NFAM1: variants seen among roughly 807,000 people sequenced by gnomAD.
NFAM1 encodes the protein NFAT activation molecule 1.
In NFAM1, 17 loss-of-function variants were observed where a neutral mutation model predicts 29.0. The ratio of observed to expected loss-of-function variants is 0.59; its 90% confidence interval spans 0.40 to 0.88. NFAM1 has a LOEUF of 0.88. NFAM1 is among the 40% of genes least tolerant of loss of function. The pLI is 0.00. For synonymous variants in NFAM1, 175 were observed against 147.2 expected (o/e 1.19, Z -1.36); for missense variants, 324 against 344.6 (o/e 0.94, Z 0.47).
rs1491236869 is a variant in NFAM1 at position 42,419,989 on chromosome 22, G to GTTTTTTTTTTTTTTTTTTTTTT, written c.122-8254_122-8253insAAAAAAAAAAAAAAAAAAAAAA. Among the ~76,000 whole-genome samples the GTTTTTTTTTTTTTTTTTTTTTT allele has an allele frequency of 1.8e-4, 10 of 56,548 alleles. 5 individuals carry two copies. Among genetic ancestry groups the GTTTTTTTTTTTTTTTTTTTTTT allele is most frequent in the African/African-American group, 1.5e-4 (2 of 13,478 alleles). The allele number at this position is 56,548 out of a possible 152,430, so 37.1% of individuals were successfully genotyped here. A position where few individuals can be genotyped will look rare whatever the true frequency, so the allele number is the denominator to read the frequency against. On this transcript the variant is annotated intron_variant, in intron 1 of 5. Coordinates refer to ENST00000329021, the MANE Select transcript of NFAM1 (RefSeq NM_145912.8). The surrounding 1 kb of genome is among the most constrained non-coding windows in gnomAD (Gnocchi z 4.5). ...CCTTTGAGTCTGTAATCCCACTCTT[G>GTTTTTTTTTTTTTTTTTTTTTT]GTTTTTTTTTTTTTTTTTTTTTTTT...
At chr22:42,425,723 G>A (rs1324013771) in intron 1 of NFAM1, among the ~76,000 whole-genome samples, 4 of 152,194 alleles carry the variant, frequency 2.6e-5, no homozygotes, top group South Asian at 2.1e-4. Flanking sequence ...TCCCCTCCAC[G>A]CCCAGCCTTC....
At chr22:42,417,881 CG>C (rs1930313433) in intron 1 of NFAM1, among the ~76,000 whole-genome samples, 2 of 152,168 alleles carry the variant, frequency 1.3e-5, no homozygotes, top group South Asian at 4.1e-4. Flanking sequence ...GCCCCGTCCC[CG>C]GGCTTGGCTG....
intron 3 of NFAM1, among the ~76,000 whole-genome samples, chr22:42,402,012 A>T (rs1929740544): frequency 6.6e-6 from 1 of 152,234 alleles, no homozygotes; most frequent in African/African-American, 2.4e-5. Flanking sequence ...GGGGACACTA[A>T]GTCCCCCGCC....
chr22:42,415,578 C>T (rs1480752924), intron 1 of NFAM1, among the ~76,000 whole-genome samples: 2 of 152,106 alleles, frequency 1.3e-5, no homozygotes, highest in Admixed American at 6.5e-5. Context: ...GGATTACAGG[C>T]GTGAGCCACC....
At chr22:42,387,134 GC>G in intron 4 of NFAM1, 56 bp from the exon 5 acceptor site, 1 of 1,015,640 alleles carries the variant, frequency 9.8e-7, no homozygotes, top group Non-Finnish European at 1.5e-6. Flanking sequence ...GCAGTCCCTG[GC>G]CCCAGCAGCC....
intron 4 of NFAM1, among the ~76,000 whole-genome samples, chr22:42,390,905 C>T (rs1005700607): frequency 6.6e-6 from 1 of 151,960 alleles, no homozygotes; most frequent in African/African-American, 2.4e-5. Context: ...CACAGAGGCC[C>T]AGGGCGCTGA....
intron 1 of NFAM1, among the ~76,000 whole-genome samples, chr22:42,412,591 G>A (rs1957105528): frequency 6.6e-6 from 1 of 152,190 alleles, no homozygotes; most frequent in African/African-American, 2.4e-5. Flanking sequence ...AGAGAAAGCT[G>A]GTGATGGATG....
intron 5 of NFAM1, among the ~76,000 whole-genome samples, chr22:42,386,480 C>G (rs1929150571): frequency 6.6e-6 from 1 of 151,816 alleles, no homozygotes; most frequent in African/African-American, 2.4e-5. Context: ...ATGCCTGAGG[C>G]CCTATCATGA....
intron 1 of NFAM1, among the ~76,000 whole-genome samples, chr22:42,420,722 C>T (rs908933035): frequency 1.4e-5 from 2 of 145,068 alleles, no homozygotes; most frequent in East Asian, 2.1e-4. Flanking sequence ...GCCGAGATCA[C>T]GCACGCCACT....
chr22:42,422,018 A>G (rs1037640190), intron 1 of NFAM1, among the ~76,000 whole-genome samples: 1 of 152,242 alleles, frequency 6.6e-6, no homozygotes, highest in Non-Finnish European at 1.5e-5. Flanking sequence ...GACTTGGAAG[A>G]CAACCTTTGA....
At chr22:42,401,549 C>T (rs1046939094) in intron 3 of NFAM1, among the ~76,000 whole-genome samples, 1 of 152,062 alleles carries the variant, frequency 6.6e-6, no homozygotes, top group African/African-American at 2.4e-5. Context: ...GCAAGGGGTC[C>T]CGTGGAGGAG....
intron 3 of NFAM1, among the ~76,000 whole-genome samples, chr22:42,408,925 G>C (rs1929986398): frequency 6.6e-6 from 1 of 152,200 alleles, no homozygotes; most frequent in Admixed American, 6.5e-5. Flanking sequence ...CCAGAGCTGT[G>C]AAATGGGAAA....
At chr22:42,414,250 C>A (rs192421786) in intron 1 of NFAM1, among the ~76,000 whole-genome samples, 60 of 152,298 alleles carry the variant, frequency 3.9e-4, no homozygotes, top group African/African-American at 1.4e-3. Flanking sequence ...GGGCTCCCCT[C>A]TGGTGGACGG....
chr22:42,397,117 G>T (rs999176655), intron 4 of NFAM1, among the ~76,000 whole-genome samples: 1 of 152,210 alleles, frequency 6.6e-6, no homozygotes, highest in Non-Finnish European at 1.5e-5. Flanking sequence ...TATGTTGTTC[G>T]TGGAGCCGAA....
At chr22:42,415,331 G>A (rs1249192226) in intron 1 of NFAM1, among the ~76,000 whole-genome samples, 4 of 123,214 alleles carry the variant, frequency 3.2e-5, no homozygotes, top group African/African-American at 9.6e-5. Flanking sequence ...ATGGAGTCTC[G>A]CTCTGTCGCC....
intron 1 of NFAM1, among the ~76,000 whole-genome samples, chr22:42,427,642 C>T (rs1273443782): frequency 6.6e-6 from 1 of 152,208 alleles, no homozygotes; most frequent in Non-Finnish European, 1.5e-5. Flanking sequence ...GGTTTCAACT[C>T]TTGCTCTATC....
chr22:42,392,094 A>G (rs1341475398), intron 4 of NFAM1, among the ~76,000 whole-genome samples: 3 of 152,114 alleles, frequency 2.0e-5, no homozygotes, highest in Admixed American at 6.6e-5. Context: ...GGTCTTCAGA[A>G]CCTTGTGGCT....
intron 1 of NFAM1, among the ~76,000 whole-genome samples, chr22:42,418,408 C>A (rs1930330076): frequency 6.6e-6 from 1 of 152,156 alleles, no homozygotes; most frequent in South Asian, 2.1e-4. Context: ...AGGCAAATCC[C>A]AGCTGGGTGT....
chr22:42,382,544 C>G lies in NFAM1; in HGVS notation c.*2617G>C, dbSNP rs566236401. 3.9e-5 allele frequency: 6 copies of G among 152,352 alleles called. No individual in the cohort carries two copies. Among genetic ancestry groups the G allele is most frequent in the African/African-American group, 1.4e-4 (6 of 41,480 alleles). 9.4% of individuals were successfully genotyped at this position (152,352 alleles called of 1,614,324 possible). ...TTCATAGTGGAAAGCAAGCCTGCACCCCAGGAGCTCCCATTCATACCCTCT... is the reference window on the plus strand; with the variant it reads ...TTCATAGTGGAAAGCAAGCCTGCACGCCAGGAGCTCCCATTCATACCCTCT... On this transcript the variant is annotated 3_prime_UTR_variant, in exon 6 of 6. Coordinates refer to ENST00000329021, the MANE Select transcript of NFAM1 (RefSeq NM_145912.8).
Sources: allele counts gnomAD v4.1 joint callset (sites outside exome capture counted in the v4.1 genomes callset), GRCh38; gene constraint gnomAD v4.1.1; non-coding constraint Gnocchi (gnomAD v3.1); transcripts MANE v1.5; gene names NCBI Gene and HGNC (gene_info 2026-07-23, HGNC 2026-07-21).